EGLN1: variants seen among roughly 807,000 people sequenced by gnomAD.
The protein encoded by EGLN1 is egl nine homolog 1.
EGLN1 carries 17 observed loss-of-function variants against 38.3 expected under a neutral mutation model. The ratio of observed to expected loss-of-function variants is 0.44; its 90% CI spans 0.30 to 0.67. The LOEUF (loss-of-function observed/expected upper bound fraction) is 0.67. Ranked by LOEUF, EGLN1 falls within the 30% of genes least tolerant of loss-of-function variation. The pLI, the probability that EGLN1 is intolerant of heterozygous loss-of-function variation, is 0.08. For missense variants in EGLN1, 477 were observed against 603.3 expected, an observed-to-expected ratio of 0.79 and a Z score of 2.19; for synonymous variants, 283 against 257.5, an observed-to-expected ratio of 1.10 and a Z score of -0.95.
At chr1:231,400,427 T>C (rs60076470) in intron 1 of EGLN1, among the ~76,000 whole-genome samples, 4 of 152,134 alleles carry the variant, frequency 2.6e-5, no homozygotes, top group African/African-American at 7.2e-5. Flanking sequence ...CCAAAACTTA[T>C]ATACTTACAG....
chr1:231,364,702 T>C lies in EGLN1; in HGVS notation c.*1709A>G, dbSNP rs551676309. The C allele has an allele frequency of 6.6e-6, 1 of 152,324 alleles. No individual in the cohort carries two copies. Among genetic ancestry groups the C allele is most frequent in the South Asian group, 2.1e-4 (1 of 4,826 alleles). The allele number at this position is 152,324 out of a possible 1,614,324, so 9.4% of individuals were successfully genotyped here. On this transcript the variant is annotated 3_prime_UTR_variant, in exon 5 of 5. Transcript: ENST00000366641. ...AAGGTCTCAAATTGAATACAAACTA[T>C]ACAGATGCTAAAAATGTCTTAAGTT...
chr1:231,408,016 A>G lies in EGLN1; in HGVS notation c.891+12982T>C, dbSNP rs184665534. ...GGGCAGTTCACTGAGTGTTAGCAAG[A>G]TATGACTAATACTGTACGTAACAAG... On this transcript the variant is annotated intron_variant, in intron 1 of 4. Coordinates refer to ENST00000366641, the MANE Select transcript of EGLN1 (RefSeq NM_022051.3). Among the ~76,000 whole-genome samples the G allele has an allele frequency of 3.7e-4, 56 of 152,308 alleles. 1 individual carries two copies. In the East Asian group the frequency reaches 0.01, roughly 28 times the overall value.
At position 231,421,375 on chromosome 1, in the gene EGLN1, C is replaced by T; in HGVS notation, c.514G>A (p.Ala172Thr). Residue 172 changes from alanine to threonine, a missense_variant, in exon 1 of 5, where the codon GCG becomes ACG. Coordinates refer to ENST00000366641, the MANE Select transcript of EGLN1 (RefSeq NM_022051.3). This position sits in a 1 kb window ranked among gnomAD's most constrained non-coding sequence, Gnocchi z 5.5. The part of the protein sequence containing the change: ...LYPPSNTPGD[A>T]LSPGGGLRPN... ...CGCAGGCCGCCGCCGGGGCTCAGCG[C>T]ATCCCCGGGCGTGTTGCTTGGGGGG... 2 of 1,608,304 alleles carry T rather than the reference C, an allele frequency of 1.2e-6. No individual in the cohort carries two copies.
chr1:231,396,824 ACG>A (rs1218478014), intron 1 of EGLN1, among the ~76,000 whole-genome samples: 2 of 152,118 alleles, frequency 1.3e-5, no homozygotes, highest in Admixed American at 1.3e-4. Context: ...CAGTCTCCCT[ACG>A]GAAACTTAGA....
At chr1:231,416,437 T>A (rs199874458) in intron 1 of EGLN1, among the ~76,000 whole-genome samples, 26 of 99,064 alleles carry the variant, frequency 2.6e-4, no homozygotes, top group Non-Finnish European at 3.9e-4. Flanking sequence ...AAAAAAAAAA[T>A]TTTTTTTTTT....
intron 4 of EGLN1, among the ~76,000 whole-genome samples, chr1:231,367,346 C>T (rs982401677): frequency 2.6e-5 from 4 of 152,198 alleles, no homozygotes; most frequent in African/African-American, 9.7e-5. Context: ...ACTCAGACTT[C>T]TTTGCCTCAA....
intron 1 of EGLN1, among the ~76,000 whole-genome samples, chr1:231,416,436 A>ATTT (rs34818710): frequency 2.1e-5 from 3 of 141,900 alleles, no homozygotes; most frequent in African/African-American, 5.3e-5. Context: ...CAAAAAAAAA[A>ATTT]TTTTTTTTTT....
At chr1:231,369,889 A>G (rs1326194581) in intron 3 of EGLN1, among the ~76,000 whole-genome samples, 1 of 152,174 alleles carries the variant, frequency 6.6e-6, no homozygotes, top group African/African-American at 2.4e-5. Context: ...AATGTCTACA[A>G]TATCTTGTTT....
At chr1:231,373,893 G>T in intron 2 of EGLN1, 87 bp downstream of exon 2, 1 of 1,491,474 alleles carries the variant, frequency 6.7e-7, no homozygotes, top group African/African-American at 1.4e-5. Context: ...CTGTGTCTGT[G>T]ACAGTCTTAT....
chr1:231,382,255 C>T (rs1010654615), intron 1 of EGLN1, among the ~76,000 whole-genome samples: 1 of 152,080 alleles, frequency 6.6e-6, no homozygotes, highest in Non-Finnish European at 1.5e-5. Context: ...ATTTAAATTC[C>T]TTAAGTTATT....
chr1:231,379,913 C>T (rs766711425), intron 1 of EGLN1, among the ~76,000 whole-genome samples: 13 of 152,194 alleles, frequency 8.5e-5, no homozygotes, highest in Non-Finnish European at 1.5e-4. Context: ...CTTTTTAAGT[C>T]TCTTCCCTGC....
At chr1:231,380,028 T>G (rs1476439439) in intron 1 of EGLN1, among the ~76,000 whole-genome samples, 2 of 149,134 alleles carry the variant, frequency 1.3e-5, no homozygotes, top group Non-Finnish European at 1.5e-5. Flanking sequence ...GCCATCCAGG[T>G]GGGGATGTTC....
At chr1:231,398,352 G>A (rs544241077) in intron 1 of EGLN1, among the ~76,000 whole-genome samples, 3 of 152,002 alleles carry the variant, frequency 2.0e-5, no homozygotes, top group Non-Finnish European at 4.4e-5. Flanking sequence ...TTAAAGAGAT[G>A]GGGGTCACAT....
At chr1:231,394,451 T>C (rs1235061548) in intron 1 of EGLN1, among the ~76,000 whole-genome samples, 2 of 149,762 alleles carry the variant, frequency 1.3e-5, no homozygotes, top group Admixed American at 6.7e-5. Flanking sequence ...CAATCTCGGC[T>C]CACTGCAAGC....
At chr1:231,382,973 G>A (rs1243604743) in intron 1 of EGLN1, among the ~76,000 whole-genome samples, 2 of 148,686 alleles carry the variant, frequency 1.3e-5, no homozygotes, top group African/African-American at 5.0e-5. Flanking sequence ...CAGGAGAATC[G>A]CTTGAACCTG....
At chr1:231,416,830 T>C (rs1689095420) in intron 1 of EGLN1, among the ~76,000 whole-genome samples, 1 of 152,196 alleles carries the variant, frequency 6.6e-6, no homozygotes, top group Non-Finnish European at 1.5e-5. Flanking sequence ...GCTGACAGAA[T>C]TACTGCAGTT....
chr1:231,392,379 ATACT>A (rs1379870560), intron 1 of EGLN1, among the ~76,000 whole-genome samples: 1 of 152,220 alleles, frequency 6.6e-6, no homozygotes, highest in Non-Finnish European at 1.5e-5. Context: ...TTCCACTATA[ATACT>A]TAAAGTAAAT....
rs571961024 is a variant in EGLN1 at position 231,366,343 on chromosome 1, C to T, written c.*68G>A. On this transcript the variant is annotated 3_prime_UTR_variant, in exon 5 of 5. Transcript: ENST00000366641. ...TCTATTTTTCTTTATCCCATTTATT[C>T]GTATTCACAAGTTAACAAATAGTTA... is the stretch of plus-strand genomic sequence containing the variant. The T allele has an allele frequency of 1.8e-5, 28 of 1,527,666 alleles. No homozygotes were observed. In the East Asian group the frequency reaches 3.6e-4, roughly 20 times the overall value. 94.6% of individuals were successfully genotyped at this position (1,527,666 alleles called of 1,614,324 possible).
intron 1 of EGLN1, among the ~76,000 whole-genome samples, chr1:231,379,240 C>T (rs1186085704): frequency 1.3e-5 from 2 of 152,200 alleles, no homozygotes; most frequent in African/African-American, 2.4e-5. Flanking sequence ...TCGTAAGCGG[C>T]CCACCACCTG....
Sources: gnomAD v4.1 joint callset for allele counts (sites outside exome capture counted in the v4.1 genomes callset) on GRCh38, gnomAD v4.1.1 for gene constraint, Gnocchi (gnomAD v3.1) non-coding constraint, MANE v1.5 for transcripts, NCBI Gene and HGNC (gene_info 2026-07-23, HGNC 2026-07-21) for gene names.